ADGRG6: variants seen among roughly 807,000 people sequenced by gnomAD.
ADGRG6 encodes the protein G-protein coupled receptor 126.
In ADGRG6, 84 loss-of-function variants were observed where a neutral mutation model predicts 142.4. The ratio of observed to expected loss-of-function variants is 0.59; its 90% CI spans 0.49 to 0.71. ADGRG6 has a LOEUF of 0.71. ADGRG6 is among the 30% of genes least tolerant of loss of function. The probability of loss-of-function intolerance (pLI) is 0.00; values close to 1 mark genes in which losing one functional copy is unlikely to be tolerated. For missense variants in ADGRG6, 1,367 were observed against 1,466.6 expected, an observed-to-expected ratio of 0.93 and a Z score of 1.11; for synonymous variants, 521 against 520.5, an observed-to-expected ratio of 1.00 and a Z score of -0.01.
chr6:142,370,151 T>G lies in ADGRG6; in HGVS notation c.446-19T>G. 1 of 1,573,106 alleles carries G rather than the reference T, an allele frequency of 6.4e-7. No individual in the cohort carries two copies. Among genetic ancestry groups the G allele is most frequent in the South Asian group, 1.2e-5 (1 of 86,682 alleles). Reference sequence around the variant, plus strand: ...TCTGAAGTTAACAGGTTTATCTTTCTTGTTATGTTTTGTCCTAGTTGCCGT... The same window carrying G: ...TCTGAAGTTAACAGGTTTATCTTTCGTGTTATGTTTTGTCCTAGTTGCCGT... On this transcript the variant is annotated intron_variant, in intron 3 of 24. Transcript: ENST00000367609.
chr6:142,396,269 G>A (rs1201236405), intron 9 of ADGRG6, among the ~76,000 whole-genome samples: 1 of 152,114 alleles, frequency 6.6e-6, no homozygotes, highest in African/African-American at 2.4e-5. Context: ...AAATTGTTAA[G>A]CTATCATAGT....
At chr6:142,370,007 A>G (rs1467579597) in intron 3 of ADGRG6, among the ~76,000 whole-genome samples, 163 bp from the exon 4 acceptor site, 1 of 152,044 alleles carries the variant, frequency 6.6e-6, no homozygotes, top group South Asian at 2.1e-4. Flanking sequence ...ACGATTGGTA[A>G]TGGGCTGGTG....
intron 7 of ADGRG6, among the ~76,000 whole-genome samples, chr6:142,391,303 TCAAA>T (rs1238967979): frequency 1.3e-5 from 2 of 151,778 alleles, no homozygotes; most frequent in South Asian, 2.1e-4. Context: ...CTGTTACAGT[TCAAA>T]CAATTTTTTT....
At chr6:142,396,455 T>C (rs186811178) in intron 9 of ADGRG6, among the ~76,000 whole-genome samples, 19 of 152,266 alleles carry the variant, frequency 1.2e-4, no homozygotes, top group African/African-American at 4.3e-4. Flanking sequence ...AAAGAAAACT[T>C]GAGCTATTCT....
chr6:142,326,966 A>C (rs933089750), intron 2 of ADGRG6, among the ~76,000 whole-genome samples: 3 of 152,136 alleles, frequency 2.0e-5, no homozygotes, highest in Admixed American at 2.0e-4. Context: ...TGGCATCCAG[A>C]AAACGTTTAG....
At chr6:142,330,567 G>A (rs1779005136) in intron 2 of ADGRG6, among the ~76,000 whole-genome samples, 1 of 152,096 alleles carries the variant, frequency 6.6e-6, no homozygotes, top group Non-Finnish European at 1.5e-5. Context: ...AGAGATTTCT[G>A]TTCTCTGTTC....
At chr6:142,385,004 T>G (rs953194805) in intron 6 of ADGRG6, among the ~76,000 whole-genome samples, 4 of 151,968 alleles carry the variant, frequency 2.6e-5, no homozygotes, top group Admixed American at 1.3e-4. Context: ...AGTGCATATT[T>G]CACATGGACT....
intron 21 of ADGRG6, among the ~76,000 whole-genome samples, chr6:142,418,916 A>T (rs899857158): frequency 1.3e-5 from 2 of 152,156 alleles, no homozygotes; most frequent in African/African-American, 4.8e-5. Flanking sequence ...ACAACTTTGC[A>T]TATAGTACAG....
At chr6:142,432,276 T>C (rs1777251544) in intron 22 of ADGRG6, among the ~76,000 whole-genome samples, 1 of 152,188 alleles carries the variant, frequency 6.6e-6, no homozygotes. Flanking sequence ...TATTTTGTCC[T>C]GGAGGAATTT....
intron 22 of ADGRG6, among the ~76,000 whole-genome samples, chr6:142,433,021 A>C (rs1233757695): frequency 6.6e-6 from 1 of 152,228 alleles, no homozygotes; most frequent in Non-Finnish European, 1.5e-5. Context: ...AATGCTTAGG[A>C]ACAAAAGACC....
At chr6:142,364,942 T>C (rs1326935645) in intron 2 of ADGRG6, among the ~76,000 whole-genome samples, 2 of 152,100 alleles carry the variant, frequency 1.3e-5, no homozygotes, top group Non-Finnish European at 2.9e-5. Flanking sequence ...AGATAATATA[T>C]AGGATAAAGG....
At chr6:142,418,653 C>A (rs1776496589) in intron 21 of ADGRG6, among the ~76,000 whole-genome samples, 1 of 152,080 alleles carries the variant, frequency 6.6e-6, no homozygotes. Context: ...ACCATTAGGA[C>A]ATTTCATTTA....
At chr6:142,341,110 T>C (rs1380658095) in intron 2 of ADGRG6, among the ~76,000 whole-genome samples, 1 of 151,394 alleles carries the variant, frequency 6.6e-6, no homozygotes, top group Non-Finnish European at 1.5e-5. Flanking sequence ...AAATGGAAAA[T>C]TACATAGCCT....
At position 142,302,171 on chromosome 6, in the gene ADGRG6, A is replaced by G; in HGVS notation, c.-159A>G. 1 of 700,226 alleles carries G rather than the reference A, an allele frequency of 1.4e-6. No homozygotes were observed. 43.4% of individuals were successfully genotyped at this position (700,226 alleles called of 1,614,324 possible). A position where few individuals can be genotyped will look rare whatever the true frequency, so the allele number is the denominator to read the frequency against. ...CAGGGTTCACCTTGCGCCGTCGGGA[A>G]AGCCCATGAACTCTCCAGAAACGGC... On this transcript the variant is annotated 5_prime_UTR_variant, in exon 1 of 25. Coordinates refer to ENST00000367609, the MANE Select transcript of ADGRG6 (RefSeq NM_198569.3).
At position 142,385,289 on chromosome 6, in the gene ADGRG6, G is replaced by A. The variant is rs1265835364; in HGVS notation, c.1222+1446G>A. ...GTTTTAACAAAGCAAGCAAATGTTA[G>A]AATCAGTTAAAATGGTCTGTCTTGA... On this transcript the variant is annotated intron_variant, in intron 6 of 24. Coordinates refer to ENST00000367609, the MANE Select transcript of ADGRG6 (RefSeq NM_198569.3). Among the ~76,000 whole-genome samples, 7 of 152,214 alleles carry A rather than the reference G, an allele frequency of 4.6e-5. 1 individual carries two copies. Among genetic ancestry groups the A allele is most frequent in the Admixed American group, 3.9e-4 (6 of 15,288 alleles).
chr6:142,410,436 A>G (rs914815590), intron 17 of ADGRG6, among the ~76,000 whole-genome samples: 3 of 152,062 alleles, frequency 2.0e-5, no homozygotes, highest in Non-Finnish European at 2.9e-5. Context: ...AGATTTGACA[A>G]TCAAGAAAGG....
intron 2 of ADGRG6, among the ~76,000 whole-genome samples, chr6:142,336,109 C>T (rs962048861): frequency 1.3e-5 from 2 of 152,164 alleles, no homozygotes; most frequent in Non-Finnish European, 2.9e-5. Flanking sequence ...ATAGCAGTGC[C>T]TCTCTGTGTG....
rs1445535268 is a variant in ADGRG6, at chr6:142,317,743, AATATATATTTATATT to A, written c.103+8114_103+8128del. ...ATTATATATTAATATATATTTATAT[AATATATATTTATATT>A]ATATATATTTATATCATATATATTT... On this transcript the variant is annotated intron_variant, in intron 2 of 24. Transcript: ENST00000367609. Among the ~76,000 whole-genome samples, 141 of 107,656 alleles carry A rather than the reference AATATATATTTATATT, an allele frequency of 1.3e-3. 3 individuals are homozygous for A. Among genetic ancestry groups the A allele is most frequent in the South Asian group, 9.4e-4 (4 of 4,260 alleles). The allele number at this position is 107,656 out of a possible 152,430, so 70.6% of individuals were successfully genotyped here. A position where few individuals can be genotyped will look rare whatever the true frequency, so the allele number is the denominator to read the frequency against.
intron 22 of ADGRG6, among the ~76,000 whole-genome samples, chr6:142,424,640 G>A (rs924048592): frequency 2.7e-5 from 4 of 150,838 alleles, no homozygotes; most frequent in Non-Finnish European, 4.4e-5. Context: ...CTCTTTTTTG[G>A]TTGTGTCTCT....
Sources: allele counts gnomAD v4.1 joint callset (sites outside exome capture counted in the v4.1 genomes callset), GRCh38; gene constraint gnomAD v4.1.1; transcripts MANE v1.5; gene names NCBI Gene and HGNC (gene_info 2026-07-23, HGNC 2026-07-21).